Variants in CACNB2 observed in about 807,000 individuals in gnomAD.
CACNB2 encodes the protein voltage-dependent L-type calcium channel subunit beta-2.
Under a neutral mutation model 73.3 loss-of-function variants are expected in CACNB2, and 42 were observed. The ratio of observed to expected loss-of-function variants is 0.57; its 90% confidence interval spans 0.45 to 0.74. The LOEUF (loss-of-function observed/expected upper bound fraction) is 0.74. Ranked by LOEUF, CACNB2 falls within the 30% of genes least tolerant of loss-of-function variation. The pLI, the probability that CACNB2 is intolerant of heterozygous loss-of-function variation, is 0.00. For missense variants in CACNB2, 940 were observed against 853.0 expected (o/e 1.10, Z -1.27); for synonymous variants, 348 against 310.3 (o/e 1.12, Z -1.28).
chr10:18,476,879 G>A (rs1023937345), intron 3 of CACNB2, among the ~76,000 whole-genome samples: 1 of 152,132 alleles, frequency 6.6e-6, no homozygotes, highest in Non-Finnish European at 1.5e-5. Context: ...AACTAGCCAT[G>A]TGTAGTGGCA....
At chr10:18,313,249 A>T (rs1481083900) in intron 2 of CACNB2, among the ~76,000 whole-genome samples, 1 of 150,582 alleles carries the variant, frequency 6.6e-6, no homozygotes, top group Non-Finnish European at 1.5e-5. Flanking sequence ...TCGCAAAAAC[A>T]GTTTAGATTT....
chr10:18,194,648 G>GA (rs1304295192), intron 2 of CACNB2, among the ~76,000 whole-genome samples: 35 of 152,166 alleles, frequency 2.3e-4, no homozygotes, highest in Non-Finnish European at 7.3e-5. Flanking sequence ...GGGTGTGGGG[G>GA]AGATATATTT....
chr10:18,423,604 A>G (rs2045442989), intron 3 of CACNB2, among the ~76,000 whole-genome samples: 2 of 152,212 alleles, frequency 1.3e-5, no homozygotes, highest in African/African-American at 2.4e-5. Flanking sequence ...AATTCACCTT[A>G]TATGTATTCC....
intron 3 of CACNB2, among the ~76,000 whole-genome samples, chr10:18,491,960 A>C (rs1460617427): frequency 6.6e-6 from 1 of 152,028 alleles, no homozygotes; most frequent in African/African-American, 2.4e-5. Flanking sequence ...GTAGTTTATC[A>C]AGAAAAGAGA....
At chr10:18,272,253 G>A (rs1255130677) in intron 2 of CACNB2, among the ~76,000 whole-genome samples, 1 of 152,084 alleles carries the variant, frequency 6.6e-6, no homozygotes, top group Non-Finnish European at 1.5e-5. Flanking sequence ...TAGAACAAAG[G>A]CTTCTTAATG....
At chr10:18,158,962 G>A (rs2032255634) in intron 2 of CACNB2, among the ~76,000 whole-genome samples, 1 of 152,172 alleles carries the variant, frequency 6.6e-6, no homozygotes, top group Non-Finnish European at 1.5e-5. Context: ...GGGGGAGGTA[G>A]AGGAGGCAGT....
chr10:18,501,099 T>C (rs2050169749), intron 5 of CACNB2, 151 bp downstream of exon 5: 1 of 837,400 alleles, frequency 1.2e-6, no homozygotes, highest in Non-Finnish European at 1.9e-6. Flanking sequence ...TGCATTTTCC[T>C]GCATTTAAAA....
intron 2 of CACNB2, among the ~76,000 whole-genome samples, chr10:18,300,011 G>C (rs7087852): frequency 0.41 from 60,524 of 145,878 alleles, 12,610 homozygotes; most frequent in Middle Eastern, 0.51. Context: ...GTGAATGCAT[G>C]TTGCATTTCT....
chr10:18,526,731 C>T (rs2052502763), intron 9 of CACNB2, among the ~76,000 whole-genome samples: 1 of 152,174 alleles, frequency 6.6e-6, no homozygotes, highest in African/African-American at 2.4e-5. Context: ...ATGTTCTTTC[C>T]ACAACAATCA....
intron 2 of CACNB2, among the ~76,000 whole-genome samples, chr10:18,194,525 C>A (rs957736741): frequency 2.6e-5 from 4 of 152,158 alleles, no homozygotes; most frequent in African/African-American, 9.7e-5. Flanking sequence ...TGGTGTTGTG[C>A]CCTGAGGGCA....
At chr10:18,257,351 G>A (rs2037326270) in intron 2 of CACNB2, 1 of 152,160 alleles carries the variant, frequency 6.6e-6, no homozygotes, top group Non-Finnish European at 1.5e-5. Context: ...GGATCAGGAG[G>A]GGACAACTAT....
intron 3 of CACNB2, among the ~76,000 whole-genome samples, chr10:18,403,468 C>G (rs940746388): frequency 5.3e-5 from 8 of 152,172 alleles, no homozygotes; most frequent in African/African-American, 1.9e-4. Context: ...CTATTTGCGG[C>G]TAATTTATTC....
intron 9 of CACNB2, 59 bp from the exon 10 acceptor site, chr10:18,527,529 C>T (rs1299259613): frequency 9.4e-7 from 1 of 1,063,976 alleles, no homozygotes; most frequent in African/African-American, 1.6e-5. Context: ...GCATACACTT[C>T]TATCCCCTTT....
At chr10:18,510,211 A>G (rs960709427) in intron 6 of CACNB2, among the ~76,000 whole-genome samples, 2 of 152,236 alleles carry the variant, frequency 1.3e-5, no homozygotes, top group African/African-American at 4.8e-5. Flanking sequence ...CCTCATGTCC[A>G]GATACAGGTA....
Position 18,143,517 on chromosome 10 carries a change from T to C in CACNB2, c.120+2661T>C, listed in dbSNP as rs140975558. ...AAATATTCAACTGCATCAACATTCATCTCCTTGCTTTCTCTGCCTTCCAAA... is the reference window on the plus strand; with the variant it reads ...AAATATTCAACTGCATCAACATTCACCTCCTTGCTTTCTCTGCCTTCCAAA... On this transcript the variant is annotated intron_variant, in intron 1 of 13. Transcript: ENST00000324631. 1.1e-3 allele frequency among the ~76,000 whole-genome samples: 168 copies of C among 152,360 alleles called. 2 individuals carry two copies. Among genetic ancestry groups the C allele is most frequent in the Non-Finnish European group, 2.1e-4 (14 of 68,030 alleles).
chr10:18,329,504 GAA>G (rs11413915), intron 2 of CACNB2, among the ~76,000 whole-genome samples: 10,780 of 112,524 alleles, frequency 0.096, 686 homozygotes, highest in African/African-American at 0.22. Context: ...AGTAAAAAAA[GAA>G]AAAAAAAAAA....
intron 2 of CACNB2, among the ~76,000 whole-genome samples, chr10:18,397,878 A>T (rs754597858): frequency 1.3e-5 from 2 of 152,246 alleles, no homozygotes; most frequent in Non-Finnish European, 2.9e-5. Flanking sequence ...CTATTAGTAC[A>T]CAGTAGTACA....
At chr10:18,345,035 G>T (rs527362302) in intron 2 of CACNB2, among the ~76,000 whole-genome samples, 3 of 152,136 alleles carry the variant, frequency 2.0e-5, no homozygotes, top group Non-Finnish European at 2.9e-5. Context: ...ACATCGTGAC[G>T]ATCTGCCATT....
chr10:18,514,195 T>C (rs1303277402), intron 6 of CACNB2, 41 bp from the exon 7 acceptor site: 7 of 1,608,520 alleles, frequency 4.4e-6, no homozygotes, highest in Non-Finnish European at 6.0e-6. Context: ...AACCTATTTT[T>C]CCTCTCCTGT....
Sources: allele counts gnomAD v4.1 joint callset (sites outside exome capture counted in the v4.1 genomes callset), GRCh38; gene constraint gnomAD v4.1.1; transcripts MANE v1.5; gene names NCBI Gene and HGNC (gene_info 2026-07-23, HGNC 2026-07-21).